The following IQCK variants were observed in gnomAD, a reference collection of about 807,000 sequenced individuals.
IQCK encodes the protein IQ domain-containing protein K.
A neutral mutation model predicts 28.1 loss-of-function variants in IQCK; 29 were observed. The ratio of observed to expected loss-of-function variants is 1.03; its 90% CI spans 0.77 to 1.41. IQCK has a LOEUF of 1.41. Ranked by LOEUF, IQCK falls within the 40% of genes most tolerant of loss-of-function variation. The probability of loss-of-function intolerance (pLI) is 0.00; values close to 1 mark genes in which losing one functional copy is unlikely to be tolerated. For synonymous variants in IQCK, 113 were observed against 115.1 expected, an observed-to-expected ratio of 0.98 and a Z score of 0.12; for missense variants, 359 against 314.7, an observed-to-expected ratio of 1.14 and a Z score of -1.07.
exon 4 of IQCK, chr16:19,735,377 C>T: frequency 6.2e-7 from 1 of 1,613,996 alleles, no homozygotes. Context: ...TATTTGGAAA[C>T]TTTCATCTTT....
At position 19,821,611 on chromosome 16, in the gene IQCK, G is replaced by T. The variant is rs113025220; in HGVS notation, c.691-5415G>T. Among the ~76,000 whole-genome samples the T allele has an allele frequency of 8.2e-3, 1,256 of 152,278 alleles. 17 individuals carry two copies. The highest frequency in any genetic ancestry group is 0.028 in the African/African-American group (1,184 of 41,556). On this transcript the variant is annotated intron_variant, in intron 7 of 7. Transcript: ENST00000564186. ...AGCTACTCAGGAGGCTGAGGCATGA[G>T]AATCGCTTGAAAGTGGAGGTTGCAG...
intron 7 of IQCK, among the ~76,000 whole-genome samples, chr16:19,813,622 G>A (rs546989221): frequency 6.6e-5 from 10 of 152,282 alleles, no homozygotes; most frequent in African/African-American, 2.4e-4. Context: ...ATCTCGCATT[G>A]AAAGAACTGC....
chr16:19,842,145 C>T (rs1403468927), intron 9 of IQCK, among the ~76,000 whole-genome samples: 1 of 152,132 alleles, frequency 6.6e-6, no homozygotes, highest in East Asian at 1.9e-4. Context: ...CACACCCGGC[C>T]CCATATCATT....
At chr16:19,840,876 A>T (rs1597605739) in intron 9 of IQCK, among the ~76,000 whole-genome samples, 1 of 152,294 alleles carries the variant, frequency 6.6e-6, no homozygotes, top group South Asian at 2.1e-4. Context: ...GTCCATTAGG[A>T]CTTCTGGTTG....
chr16:19,776,299 A>G (rs1431048694), intron 6 of IQCK, among the ~76,000 whole-genome samples: 2 of 152,204 alleles, frequency 1.3e-5, no homozygotes, highest in Non-Finnish European at 2.9e-5. Flanking sequence ...TGCAGAGTCT[A>G]TGCACTGTTA....
At chr16:19,845,881 C>A (rs1032287392) in intron 9 of IQCK, among the ~76,000 whole-genome samples, 1 of 151,976 alleles carries the variant, frequency 6.6e-6, no homozygotes, top group Admixed American at 6.6e-5. Context: ...TCGAGACCAG[C>A]CTAAGCAACA....
intron 7 of IQCK, among the ~76,000 whole-genome samples, chr16:19,826,449 G>T (rs1471220217): frequency 6.6e-6 from 1 of 152,198 alleles, no homozygotes; most frequent in African/African-American, 2.4e-5. Context: ...CACAATCTCA[G>T]TTCACTGCAA....
chr16:19,719,280 A>C (rs536797001), intron 1 of IQCK, among the ~76,000 whole-genome samples: 248 of 152,268 alleles, frequency 1.6e-3, no homozygotes, highest in Non-Finnish European at 1.7e-3. Context: ...GCTAGTTCTT[A>C]ATGAATAATG....
intron 9 of IQCK, among the ~76,000 whole-genome samples, chr16:19,848,400 G>C (rs565498147): frequency 5.3e-5 from 8 of 152,326 alleles, no homozygotes; most frequent in Admixed American, 3.3e-4. Flanking sequence ...ATACATTCCG[G>C]AACATCCACA....
intron 9 of IQCK, among the ~76,000 whole-genome samples, chr16:19,855,653 GC>G (rs1214639447): frequency 6.6e-6 from 1 of 152,176 alleles, no homozygotes; most frequent in African/African-American, 2.4e-5. Flanking sequence ...GCTGGTGCAT[GC>G]CCTTAGTTGC....
intron 6 of IQCK, among the ~76,000 whole-genome samples, chr16:19,785,528 C>T (rs2055550397): frequency 6.6e-6 from 1 of 152,196 alleles, no homozygotes; most frequent in African/African-American, 2.4e-5. Flanking sequence ...GAGGCTACTC[C>T]CTTTTCAAAT....
chr16:19,844,426 A>C (rs2056393274), intron 9 of IQCK, among the ~76,000 whole-genome samples: 1 of 152,166 alleles, frequency 6.6e-6, no homozygotes, highest in Non-Finnish European at 1.5e-5. Flanking sequence ...GCTGGGCCAC[A>C]CAGCATCAGG....
At chr16:19,816,087 C>T (rs531119063) in intron 7 of IQCK, among the ~76,000 whole-genome samples, 6 of 152,278 alleles carry the variant, frequency 3.9e-5, no homozygotes, top group Admixed American at 1.3e-4. Flanking sequence ...ATATGAACTG[C>T]CTTCCTCCAG....
At chr16:19,824,734 A>G (rs2056123238) in intron 7 of IQCK, among the ~76,000 whole-genome samples, 1 of 152,202 alleles carries the variant, frequency 6.6e-6, no homozygotes, top group Admixed American at 6.5e-5. Flanking sequence ...TCCTCTGGCA[A>G]GTGAAGAGGT....
chr16:19,810,602 C>T (rs974829700), intron 7 of IQCK, among the ~76,000 whole-genome samples: 1 of 151,856 alleles, frequency 6.6e-6, no homozygotes, highest in Non-Finnish European at 1.5e-5. Flanking sequence ...CACCTGAGGT[C>T]AGGAGTTTGA....
At chr16:19,754,707 T>C (rs1230919970) in intron 4 of IQCK, among the ~76,000 whole-genome samples, 2 of 152,148 alleles carry the variant, frequency 1.3e-5, no homozygotes, top group Admixed American at 1.3e-4. Context: ...CTTCTTATAA[T>C]TAAAAACCTG....
At chr16:19,827,960 TGGA>T (rs1456218812), downstream of IQCK, among the ~76,000 whole-genome samples, 1 of 152,114 alleles carries the variant, frequency 6.6e-6, no homozygotes, top group Admixed American at 6.6e-5. Context: ...TCGCCCAGGC[TGGA>T]GTGCAGCGGT....
chr16:19,762,654 C>T (rs2055165079), intron 4 of IQCK, among the ~76,000 whole-genome samples: 1 of 152,092 alleles, frequency 6.6e-6, no homozygotes, highest in East Asian at 1.9e-4. Context: ...CAGACATGGG[C>T]AAAGTAAGAA....
At chr16:19,842,532 C>A (rs1018633533) in intron 9 of IQCK, among the ~76,000 whole-genome samples, 1 of 152,114 alleles carries the variant, frequency 6.6e-6, no homozygotes, top group Non-Finnish European at 1.5e-5. Context: ...AAAATTTTTT[C>A]TTTGGGTCAA....
Sources: gnomAD v4.1 joint callset for allele counts (sites outside exome capture counted in the v4.1 genomes callset) on GRCh38, gnomAD v4.1.1 for gene constraint, MANE v1.5 for transcripts, NCBI Gene and HGNC (gene_info 2026-07-23, HGNC 2026-07-21) for gene names.